PARD3: variants seen among roughly 807,000 people sequenced by gnomAD.
PARD3 encodes the protein partitioning defective 3 homolog.
Under a neutral mutation model 155.4 loss-of-function variants are expected in PARD3, and 75 were observed. The ratio of observed to expected loss-of-function variants is 0.48; its 90% CI spans 0.40 to 0.58. The LOEUF is 0.58. PARD3 is among the 20% of genes least tolerant of loss of function. The probability of loss-of-function intolerance (pLI) is 0.00; values close to 1 mark genes in which losing one functional copy is unlikely to be tolerated. For missense variants in PARD3, 1,642 were observed against 1,721.7 expected, an observed-to-expected ratio of 0.95 and a Z score of 0.82; for synonymous variants, 576 against 610.5, an observed-to-expected ratio of 0.94 and a Z score of 0.83.
At chr10:34,124,911 C>A (rs1015057608) in intron 23 of PARD3, among the ~76,000 whole-genome samples, 5 of 152,142 alleles carry the variant, frequency 3.3e-5, no homozygotes, top group African/African-American at 1.2e-4. Flanking sequence ...TCCTACCACA[C>A]AGGGCTTCTG....
chr10:34,546,742 T>C (rs2084104860), intron 2 of PARD3, among the ~76,000 whole-genome samples: 1 of 152,170 alleles, frequency 6.6e-6, no homozygotes, highest in African/African-American at 2.4e-5. Context: ...TACAAATGTA[T>C]AGTTTTAATT....
intron 22 of PARD3, among the ~76,000 whole-genome samples, chr10:34,262,996 TAGG>T (rs1955100962): frequency 1.3e-5 from 2 of 152,218 alleles, no homozygotes; most frequent in South Asian, 4.1e-4. Flanking sequence ...GGAGAATACT[TAGG>T]AGACCAAGCT....
At chr10:34,740,284 A>G (rs2094986074) in intron 1 of PARD3, among the ~76,000 whole-genome samples, 1 of 152,212 alleles carries the variant, frequency 6.6e-6, no homozygotes, top group African/African-American at 2.4e-5. Context: ...GAGGGCTCCG[A>G]CAGCCCTCCT....
chr10:34,382,117 C>A (rs1841926662), intron 9 of PARD3, among the ~76,000 whole-genome samples: 1 of 152,080 alleles, frequency 6.6e-6, no homozygotes, highest in Admixed American at 6.5e-5. Context: ...GATTGACGTG[C>A]ACTACCTCTA....
In PARD3 at chr10:34,411,732, CTAGATAGATAGATAGATAGA is replaced by C. The variant is rs3040339; in HGVS notation, c.715-9835_715-9816del. Among the ~76,000 whole-genome samples the C allele has an allele frequency of 8.0e-3, 1,192 of 148,214 alleles. 13 individuals carry two copies. Among genetic ancestry groups the C allele is most frequent in the African/African-American group, 0.026 (1,048 of 40,112 alleles). ...TGTATATATCTAAAGACATACATAT[CTAGATAGATAGATAGATAGA>C]TAGATAGATAGATAGATAGATAGAT... On this transcript the variant is annotated intron_variant, in intron 5 of 24. Transcript: ENST00000374788.
At chr10:34,760,858 C>T (rs78404044) in intron 1 of PARD3, among the ~76,000 whole-genome samples, 3,595 of 152,106 alleles carry the variant, frequency 0.024, 144 homozygotes, top group African/African-American at 0.083. Context: ...GACAGACAGC[C>T]GTGGAGATCC....
At chr10:34,213,667 G>A (rs1490705912) in intron 22 of PARD3, among the ~76,000 whole-genome samples, 1 of 152,130 alleles carries the variant, frequency 6.6e-6, no homozygotes, top group Non-Finnish European at 1.5e-5. Flanking sequence ...GGCCTTCAAA[G>A]GGCTCTCAAT....
rs190848287 is a variant in PARD3, at chr10:34,183,767, C to G, written c.3420-52184G>C. ...TGGGTTTCTCTTTGTTCCAAGCCCC[C>G]CTCCCTTTTCTCTGTATGGGGGAGC... On this transcript the variant is annotated intron_variant, in intron 22 of 24. Transcript: ENST00000374788. Among the ~76,000 whole-genome samples, 7 of 152,318 alleles carry G rather than the reference C, an allele frequency of 4.6e-5. No homozygotes were observed. The East Asian group carries it at 1.2e-3, about 25-fold the overall frequency.
At chr10:34,209,967 G>A (rs1402391537) in intron 22 of PARD3, among the ~76,000 whole-genome samples, 1 of 152,136 alleles carries the variant, frequency 6.6e-6, no homozygotes, top group African/African-American at 2.4e-5. Context: ...CTTACCTAGT[G>A]GAGATGAGAC....
At chr10:34,375,535 A>G (rs919125676) in intron 10 of PARD3, among the ~76,000 whole-genome samples, 85 of 152,210 alleles carry the variant, frequency 5.6e-4, no homozygotes, top group Non-Finnish European at 1.3e-4. Context: ...ACTACAAAAC[A>G]ATATTTTTTA....
chr10:34,497,018 C>T lies in PARD3; in HGVS notation c.403+19961G>A, dbSNP rs552304030. On this transcript the variant is annotated intron_variant, in intron 3 of 24. Coordinates refer to ENST00000374788, the MANE Select transcript of PARD3 (RefSeq NM_001184785.2). ...AGGAGTATAGATGCAGCAAGACTAG[C>T]CATAAATTAATAATTGTTAGAGCTG... 5.7e-4 allele frequency among the ~76,000 whole-genome samples: 86 copies of T among 152,172 alleles called. 1 individual carries two copies. The highest frequency in any genetic ancestry group is 2.0e-3 in the African/African-American group (81 of 41,512).
intron 14 of PARD3, 85 bp from the exon 15 acceptor site, chr10:34,348,200 G>T: frequency 8.2e-7 from 1 of 1,225,154 alleles, no homozygotes; most frequent in Non-Finnish European, 1.1e-6. Flanking sequence ...CAACTTGCCC[G>T]AGGCCTGTAT....
At chr10:34,491,151 T>C (rs2079876806) in intron 3 of PARD3, among the ~76,000 whole-genome samples, 1 of 152,230 alleles carries the variant, frequency 6.6e-6, no homozygotes, top group Non-Finnish European at 1.5e-5. Context: ...GCTCCTCAGT[T>C]ACCCTTGCCT....
intron 14 of PARD3, among the ~76,000 whole-genome samples, chr10:34,358,006 A>T (rs1015062112): frequency 6.6e-6 from 1 of 152,224 alleles, no homozygotes; most frequent in African/African-American, 2.4e-5. Flanking sequence ...AAAAACTCTT[A>T]AACAACTTAG....
intron 3 of PARD3, among the ~76,000 whole-genome samples, chr10:34,473,402 C>G (rs148605818): frequency 6.6e-6 from 1 of 151,948 alleles, no homozygotes; most frequent in Non-Finnish European, 1.5e-5. Context: ...AACAAGTCAA[C>G]GAGGCCAGGT....
chr10:34,593,894 C>T (rs1263717267), intron 2 of PARD3, among the ~76,000 whole-genome samples: 2 of 152,050 alleles, frequency 1.3e-5, no homozygotes, highest in East Asian at 1.9e-4. Flanking sequence ...ACCAAGAGAC[C>T]GGAGATTTCT....
At chr10:34,785,630 G>A (rs778970907) in intron 1 of PARD3, among the ~76,000 whole-genome samples, 7 of 152,058 alleles carry the variant, frequency 4.6e-5, no homozygotes, top group Admixed American at 1.3e-4. Flanking sequence ...CCAGCTATTC[G>A]AGAGGCTGAG....
intron 2 of PARD3, among the ~76,000 whole-genome samples, chr10:34,584,822 G>A (rs370256970): frequency 1.7e-4 from 26 of 152,158 alleles, no homozygotes; most frequent in East Asian, 1.4e-3. Context: ...ATATGTTTTC[G>A]TTACATGGAA....
intron 22 of PARD3, among the ~76,000 whole-genome samples, chr10:34,178,234 G>A (rs543037596): frequency 2.6e-4 from 39 of 152,252 alleles, no homozygotes; most frequent in African/African-American, 9.1e-4. Context: ...CGATGAACTT[G>A]CCTCTGACAT....
Sources: allele counts gnomAD v4.1 joint callset (sites outside exome capture counted in the v4.1 genomes callset), GRCh38; gene constraint gnomAD v4.1.1; transcripts MANE v1.5; gene names NCBI Gene and HGNC (gene_info 2026-07-23, HGNC 2026-07-21).